Variants in L3MBTL2 observed in about 807,000 individuals in gnomAD.
The protein encoded by L3MBTL2 is lethal(3)malignant brain tumor-like protein 2.
L3MBTL2 carries 49 observed loss-of-function variants against 86.4 expected under a neutral mutation model. The ratio of observed to expected loss-of-function variants is 0.57; its 90% CI spans 0.45 to 0.72. The LOEUF is 0.72. L3MBTL2 is among the 30% of genes least tolerant of loss of function. The probability of loss-of-function intolerance (pLI) is 0.00; values close to 1 mark genes in which losing one functional copy is unlikely to be tolerated. For synonymous variants in L3MBTL2, 336 were observed against 350.6 expected, an observed-to-expected ratio of 0.96 and a Z score of 0.47; for missense variants, 755 against 923.7, an observed-to-expected ratio of 0.82 and a Z score of 2.37.
chr22:41,206,248 A>T (rs901087636), intron 1 of L3MBTL2: 3 of 151,944 alleles, frequency 2.0e-5, no homozygotes, highest in African/African-American at 7.2e-5. Context: ...TCGGCCTCCC[A>T]AAGTGCTGGG....
intron 5 of L3MBTL2, chr22:41,218,008 T>A (rs1017277896): frequency 4.6e-5 from 7 of 152,226 alleles, no homozygotes; most frequent in African/African-American, 1.7e-4. Flanking sequence ...TTTTTTGCCC[T>A]GAATTCTCTA....
In L3MBTL2 at chr22:41,209,559, A is replaced by G. The variant is rs1464433987; in HGVS notation, c.25-137A>G. 4 of 699,244 alleles carry G rather than the reference A, an allele frequency of 5.7e-6. No homozygotes were observed. In the Admixed American group the frequency reaches 9.0e-5, roughly 16 times the overall value. 43.3% of individuals were successfully genotyped at this position (699,244 alleles called of 1,614,324 possible). A position where few individuals can be genotyped will look rare whatever the true frequency, so the allele number is the denominator to read the frequency against. ...GAGAAATGTGTAAATAGAAGTAATG[A>G]TCTTGGTGTTTGTAAAAGGGGTATT... On this transcript the variant is annotated intron_variant, in intron 1 of 16. Coordinates refer to ENST00000216237, the MANE Select transcript of L3MBTL2 (RefSeq NM_031488.5).
rs552116885 is a variant in L3MBTL2 at position 41,230,185 on chromosome 22, C to T, written c.2052C>T (p.Pro684=). ...AAGAGCATCTAGACGTGGCCTCGCC[C>T]GACAAGGCTTCAAGTCCAGAGCTGC... ...VKEEHLDVAS[P]DKASSPELPV... The change falls in exon 17 of 17, where the codon CCC becomes CCT. Residue 684 remains proline, a synonymous_variant. Coordinates refer to ENST00000216237, the MANE Select transcript of L3MBTL2 (RefSeq NM_031488.5). The T allele has an allele frequency of 3.7e-5, 59 of 1,613,568 alleles. No homozygotes were observed. In the South Asian group the frequency reaches 5.4e-4, roughly 15 times the overall value.
chr22:41,216,363 A>G, intron 4 of L3MBTL2, 101 bp downstream of exon 4: 1 of 1,440,768 alleles, frequency 6.9e-7, no homozygotes, highest in Non-Finnish European at 9.4e-7. Flanking sequence ...CAAACCGGCC[A>G]GGTAGAAAGT....
chr22:41,212,509 T>C (rs1251861454), intron 2 of L3MBTL2, among the ~76,000 whole-genome samples: 1 of 150,384 alleles, frequency 6.6e-6, no homozygotes, highest in African/African-American at 2.4e-5. Flanking sequence ...GGGATTCTCC[T>C]GCCCCAGCCT....
chr22:41,220,530 A>C (rs2031729439), intron 6 of L3MBTL2, among the ~76,000 whole-genome samples: 1 of 152,072 alleles, frequency 6.6e-6, no homozygotes, highest in African/African-American at 2.4e-5. Context: ...TATTTAAAAT[A>C]CAAAAAAAAA....
Position 41,217,008 on chromosome 22 carries a change from G to T in L3MBTL2, c.521-115G>T, listed in dbSNP as rs975753360. ...GTGTCGTGGGCAGCGCTGTGAGAGG[G>T]GCTGCTGGGGGTGGGGGACCTACCT... On this transcript the variant is annotated intron_variant, in intron 4 of 16. Coordinates refer to ENST00000216237, the MANE Select transcript of L3MBTL2 (RefSeq NM_031488.5). The T allele has an allele frequency of 4.0e-6, 3 of 740,952 alleles. No individual in the cohort carries two copies. The African/African-American group carries it at 5.2e-5, about 13-fold the overall frequency. 45.9% of individuals were successfully genotyped at this position (740,952 alleles called of 1,614,324 possible).
At position 41,225,156 on chromosome 22, in the gene L3MBTL2, G is replaced by A. The variant is rs539413480; in HGVS notation, c.1356+85G>A. On this transcript the variant is annotated intron_variant, in intron 11 of 16. Transcript: ENST00000216237. The surrounding 1 kb of genome is among the most constrained non-coding windows in gnomAD (Gnocchi z 4.1). ...CAGAGCTCTAACCCCACTCGCCACC[G>A]TCAGGGGGTCTGTGTCCCAGCCTCT... 5.4e-5 allele frequency: 56 copies of A among 1,043,220 alleles called. No homozygotes were observed. Among genetic ancestry groups the A allele is most frequent in the Admixed American group, 3.1e-4 (13 of 42,136 alleles). The allele number at this position is 1,043,220 out of a possible 1,614,324, so 64.6% of individuals were successfully genotyped here.
At chr22:41,226,034 T>G in intron 12 of L3MBTL2, 93 bp downstream of exon 12, 4 of 1,419,048 alleles carry the variant, frequency 2.8e-6, no homozygotes, top group Non-Finnish European at 2.9e-6. Flanking sequence ...CCTAGCACTT[T>G]GGGAGGCCGA....
At chr22:41,213,828 C>A (rs1052199204) in intron 2 of L3MBTL2, 65 bp from the exon 3 acceptor site, 7 of 1,586,520 alleles carry the variant, frequency 4.4e-6, no homozygotes, top group Non-Finnish European at 6.0e-6. Context: ...TTTTGAAGGG[C>A]CCATCACTTT....
intron 2 of L3MBTL2, 164 bp downstream of exon 2, chr22:41,210,097 A>C (rs1601489026): frequency 4.1e-5 from 29 of 713,920 alleles, no homozygotes; most frequent in Non-Finnish European, 8.3e-6. Context: ...AGACAGAAGC[A>C]CCCCAAGTAG....
intron 1 of L3MBTL2, among the ~76,000 whole-genome samples, chr22:41,208,070 G>A (rs898946277): frequency 1.3e-5 from 2 of 151,882 alleles, no homozygotes; most frequent in Admixed American, 1.3e-4. Flanking sequence ...GGTCTTAAGT[G>A]ATCCGCCCGC....
At chr22:41,215,148 T>C (rs1342903344) in intron 3 of L3MBTL2, among the ~76,000 whole-genome samples, 1 of 152,208 alleles carries the variant, frequency 6.6e-6, no homozygotes, top group Non-Finnish European at 1.5e-5. Context: ...TAGAAATTGC[T>C]GTGTCCCAGA....
chr22:41,207,283 AC>A, intron 1 of L3MBTL2, among the ~76,000 whole-genome samples: 1 of 124,620 alleles, frequency 8.0e-6, no homozygotes, highest in South Asian at 2.4e-4. Context: ...GCTCTCTGTC[AC>A]CCAGGCTGGA....
intron 8 of L3MBTL2, among the ~76,000 whole-genome samples, chr22:41,221,665 G>T: frequency 6.6e-6 from 1 of 152,176 alleles, no homozygotes; most frequent in East Asian, 1.9e-4. Context: ...GGAGTGCAGT[G>T]GCGCGATCTC....
chr22:41,213,068 A>T (rs893055683), intron 2 of L3MBTL2, among the ~76,000 whole-genome samples: 5 of 150,778 alleles, frequency 3.3e-5, no homozygotes, highest in African/African-American at 1.2e-4. Context: ...ACACAAAAAA[A>T]TTAGCTGGGT....
Position 41,224,957 on chromosome 22 carries a change from T to C in L3MBTL2, c.1252-10T>C. 6.2e-7 allele frequency: 1 copy of C among 1,612,326 alleles called. No individual in the cohort carries two copies. Among genetic ancestry groups the C allele is most frequent in the Non-Finnish European group, 8.5e-7 (1 of 1,178,692 alleles). On this transcript the variant is annotated splice_polypyrimidine_tract_variant and intron_variant, in intron 10 of 16. Coordinates refer to ENST00000216237, the MANE Select transcript of L3MBTL2 (RefSeq NM_031488.5). The surrounding 1 kb of genome is among the most constrained non-coding windows in gnomAD (Gnocchi z 4.9). ...GCCCAGGGAGTCCCCAGCTGTCCCA[T>C]TCCTTTAAGGTACGAGCAGTCTACA...
intron 5 of L3MBTL2, 123 bp downstream of exon 5, chr22:41,217,325 G>A (rs2031466789): frequency 1.4e-6 from 1 of 698,484 alleles, no homozygotes; most frequent in African/African-American, 1.8e-5. Flanking sequence ...GCAGGAGACG[G>A]ATGGCGTTAC....
intron 2 of L3MBTL2, chr22:41,210,142 T>TG: frequency 2.5e-6 from 1 of 394,846 alleles, no homozygotes; most frequent in Non-Finnish European, 4.4e-6. Flanking sequence ...AAGTCTAATT[T>TG]CTTTTTTTTT....
Sources: allele counts gnomAD v4.1 joint callset (sites outside exome capture counted in the v4.1 genomes callset), GRCh38; gene constraint gnomAD v4.1.1; non-coding constraint Gnocchi (gnomAD v3.1); transcripts MANE v1.5; gene names NCBI Gene and HGNC (gene_info 2026-07-23, HGNC 2026-07-21).